PCDH15: variants seen among roughly 807,000 people sequenced by gnomAD.
PCDH15 encodes protocadherin-15.
A neutral mutation model predicts 178.5 loss-of-function variants in PCDH15; 129 were observed. The ratio of observed to expected loss-of-function variants is 0.72; its 90% CI spans 0.63 to 0.84. The LOEUF (loss-of-function observed/expected upper bound fraction) is 0.84, where lower values mean the gene tolerates loss of function less well. Ranked by LOEUF, PCDH15 falls within the 40% of genes least tolerant of loss-of-function variation. PCDH15 has a pLI of 0.00. For missense variants in PCDH15, 2,230 were observed against 2,099.9 expected (o/e 1.06, Z -1.21); for synonymous variants, 800 against 732.0 (o/e 1.09, Z -1.50).
intron 3 of PCDH15, among the ~76,000 whole-genome samples, chr10:54,392,602 C>CAA (rs887804974): frequency 6.7e-6 from 1 of 148,308 alleles, no homozygotes; most frequent in Non-Finnish European, 1.5e-5. Context: ...TATTTTGCTC[C>CAA]AAAAAAAAAT....
chr10:55,399,562 G>T (rs986989020), intron 2 of PCDH15, among the ~76,000 whole-genome samples: 7 of 152,078 alleles, frequency 4.6e-5, no homozygotes, highest in African/African-American at 1.7e-4. Flanking sequence ...TAGAAGGTGT[G>T]AGAATCAGAG....
chr10:54,691,745 C>T (rs999224620), intron 1 of PCDH15, among the ~76,000 whole-genome samples: 3 of 152,114 alleles, frequency 2.0e-5, no homozygotes, highest in Non-Finnish European at 4.4e-5. Flanking sequence ...GTGATTTCTA[C>T]ATGATACTTA....
rs79374991 is a variant in PCDH15 at position 53,863,991 on chromosome 10, T to G, written c.3717+2651A>C. The stretch of plus-strand genomic sequence containing the variant: ...AGCATGCCAGTTAATCAGGCCATAG[T>G]GAGAATGAGGACAAGGTATTGGAGA... On this transcript the variant is annotated intron_variant, in intron 27 of 37. Coordinates refer to ENST00000644397, the MANE Select transcript of PCDH15 (RefSeq NM_001384140.1). Among the ~76,000 whole-genome samples, 1,086 of 152,274 alleles carry G rather than the reference T, an allele frequency of 7.1e-3. 9 individuals carry two copies. The highest frequency in any genetic ancestry group is 0.025 in the African/African-American group (1,026 of 41,570).
intron 2 of PCDH15, among the ~76,000 whole-genome samples, chr10:55,539,564 A>C (rs970694325): frequency 1.3e-5 from 2 of 152,112 alleles, no homozygotes; most frequent in Non-Finnish European, 2.9e-5. Context: ...TAATTCATAG[A>C]ACTCCAATAC....
intron 2 of PCDH15, among the ~76,000 whole-genome samples, chr10:55,132,337 T>G (rs1368761740): frequency 1.3e-5 from 2 of 152,230 alleles, no homozygotes; most frequent in African/African-American, 4.8e-5. Flanking sequence ...GTTATATCCT[T>G]TGGTGGCTAT....
Position 55,506,275 on chromosome 10 carries a change from A to T in PCDH15, c.-156+121350T>A, listed in dbSNP as rs1840757404. 2.0e-5 allele frequency: 3 copies of T among 151,516 alleles called. No homozygotes were observed. The Admixed American group carries it at 2.0e-4, about 10-fold the overall frequency. The allele number at this position is 151,516 out of a possible 1,614,324, so 9.4% of individuals were successfully genotyped here. ...CTGGAGAAGACATAGTTTAGAAGGA[A>T]ATCTGCTTGTTGTAAGTATGTAATG... On this transcript the variant is annotated intron_variant, in intron 2 of 5. Coordinates refer to the PCDH15 transcript ENST00000613346.
In PCDH15 at chr10:54,183,504, AG is replaced by A. The variant is rs767847479; in HGVS notation, c.1529del (p.Pro510LeufsTer13). 2.5e-6 allele frequency: 4 copies of A among 1,613,782 alleles called. No homozygotes were observed. In the African/African-American group the frequency reaches 5.3e-5, roughly 22 times the overall value. On this transcript the variant is annotated frameshift_variant, in exon 13 of 38. Coordinates refer to ENST00000644397, the MANE Select transcript of PCDH15 (RefSeq NM_001384140.1). LOFTEE classifies it high-confidence loss of function. Reference protein sequence around the residue: ...MDANDNTPTFPEISYDVYVYT... With the variant: ...MDANDNTPTFXEISYDVYVYT... The stretch of plus-strand genomic sequence containing the variant: ...AAACATACACATCATAGGATATTTC[AG>A]GGAAGGTTGGCGTGTTATCATTTGC...
At position 55,455,271 on chromosome 10, in the gene PCDH15, G is replaced by C. The variant is rs568649770; in HGVS notation, c.-156+172354C>G. ...TAACTGCGTCTTGTGGAAGCATGCA[G>C]TCATCATGAATTGTATATTATTATT... On this transcript the variant is annotated intron_variant, in intron 2 of 5. Coordinates refer to the PCDH15 transcript ENST00000613346. Among the ~76,000 whole-genome samples, 3 of 152,166 alleles carry C rather than the reference G, an allele frequency of 2.0e-5. No homozygotes were observed. In the South Asian group the frequency reaches 6.2e-4, roughly 32 times the overall value.
At chr10:54,931,571 T>C (rs1293221833) in intron 2 of PCDH15, among the ~76,000 whole-genome samples, 1 of 152,176 alleles carries the variant, frequency 6.6e-6, no homozygotes, top group Non-Finnish European at 1.5e-5. Flanking sequence ...ATCTTTTCTA[T>C]GTGTTCCAAA....
At chr10:54,389,379 C>G (rs1283625305) in intron 3 of PCDH15, among the ~76,000 whole-genome samples, 1 of 152,016 alleles carries the variant, frequency 6.6e-6, no homozygotes, top group African/African-American at 2.4e-5. Context: ...TTTAATGTGC[C>G]CATGAATCAC....
intron 26 of PCDH15, among the ~76,000 whole-genome samples, chr10:53,883,200 A>G (rs2080857209): frequency 1.3e-5 from 2 of 152,030 alleles, no homozygotes; most frequent in Admixed American, 6.5e-5. Context: ...TATTCTATGT[A>G]TTCATATATG....
At chr10:54,432,391 A>C (rs1481710649) in intron 3 of PCDH15, among the ~76,000 whole-genome samples, 1 of 152,168 alleles carries the variant, frequency 6.6e-6, no homozygotes, top group Non-Finnish European at 1.5e-5. Context: ...ACATGGACTA[A>C]TGAAGCAGAA....
intron 2 of PCDH15, among the ~76,000 whole-genome samples, chr10:55,059,205 A>C (rs1197122326): frequency 6.6e-6 from 1 of 152,136 alleles, no homozygotes; most frequent in South Asian, 2.1e-4. Context: ...TGACTATATA[A>C]AAAAAGGAGG....
chr10:54,422,781 C>T (rs1053352137), intron 3 of PCDH15, among the ~76,000 whole-genome samples: 47 of 152,146 alleles, frequency 3.1e-4, no homozygotes, highest in African/African-American at 1.1e-3. Flanking sequence ...GCTTAAGTTT[C>T]TACACTTGAT....
chr10:54,158,969 G>A (rs547421427), intron 13 of PCDH15, among the ~76,000 whole-genome samples: 8 of 152,030 alleles, frequency 5.3e-5, no homozygotes, highest in Admixed American at 3.3e-4. Context: ...TTAGCCAGGC[G>A]TGGTGGCGAG....
chr10:54,029,893 T>C (rs1222235414), intron 18 of PCDH15, among the ~76,000 whole-genome samples: 1 of 152,106 alleles, frequency 6.6e-6, no homozygotes, highest in Non-Finnish European at 1.5e-5. Context: ...CCTTAAAGCA[T>C]GCCTGTATGG....
At chr10:54,451,043 C>G (rs1000405812) in intron 3 of PCDH15, among the ~76,000 whole-genome samples, 29 of 151,942 alleles carry the variant, frequency 1.9e-4, no homozygotes, top group Admixed American at 1.9e-3. Flanking sequence ...TACTCAATAT[C>G]TGCACATTCT....
intron 2 of PCDH15, among the ~76,000 whole-genome samples, chr10:54,658,475 T>G (rs975769149): frequency 3.9e-5 from 6 of 152,168 alleles, no homozygotes; most frequent in Admixed American, 1.3e-4. Flanking sequence ...AGGTCTATTT[T>G]GAGCCTTCTT....
chr10:54,539,074 T>G (rs1218768129), intron 2 of PCDH15, among the ~76,000 whole-genome samples: 4 of 152,204 alleles, frequency 2.6e-5, no homozygotes, highest in Admixed American at 1.3e-4. Flanking sequence ...CTTTTTCCAT[T>G]TGTTTATGTT....
Sources: allele counts gnomAD v4.1 joint callset (sites outside exome capture counted in the v4.1 genomes callset), GRCh38; gene constraint gnomAD v4.1.1; transcripts MANE v1.5; gene names NCBI Gene and HGNC (gene_info 2026-07-23, HGNC 2026-07-21).